The following ARHGAP24 variants were observed in gnomAD, a reference collection of about 807,000 sequenced individuals.
ARHGAP24 encodes the protein rho GTPase-activating protein 24.
A neutral mutation model predicts 76.4 loss-of-function variants in ARHGAP24; 50 were observed. The ratio of observed to expected loss-of-function variants is 0.65; its 90% confidence interval spans 0.52 to 0.83. ARHGAP24 has a LOEUF of 0.83. ARHGAP24 is among the 40% of genes least tolerant of loss of function. ARHGAP24 has a pLI of 0.00. For missense variants in ARHGAP24, 930 were observed against 914.2 expected, an observed-to-expected ratio of 1.02 and a Z score of -0.22; for synonymous variants, 345 against 323.3, an observed-to-expected ratio of 1.07 and a Z score of -0.72.
At chr4:85,763,284 T>A (rs935232147) in intron 3 of ARHGAP24, among the ~76,000 whole-genome samples, 2 of 152,194 alleles carry the variant, frequency 1.3e-5, no homozygotes, top group Non-Finnish European at 2.9e-5. Context: ...CAATCAGAAT[T>A]GTATCCCATT....
At chr4:85,718,827 A>C (rs1452866671) in intron 2 of ARHGAP24, among the ~76,000 whole-genome samples, 1 of 152,216 alleles carries the variant, frequency 6.6e-6, no homozygotes, top group African/African-American at 2.4e-5. Flanking sequence ...TCACATATAC[A>C]AAAAGGACAA....
chr4:85,747,749 A>G (rs1009341584), intron 3 of ARHGAP24, among the ~76,000 whole-genome samples: 1 of 152,112 alleles, frequency 6.6e-6, no homozygotes, highest in Non-Finnish European at 1.5e-5. Context: ...TGAAAATTGA[A>G]TATCTGCTCT....
chr4:85,785,550 T>C (rs374770662), intron 3 of ARHGAP24, among the ~76,000 whole-genome samples: 1 of 149,438 alleles, frequency 6.7e-6, no homozygotes, highest in South Asian at 2.1e-4. Flanking sequence ...ATTTTTTTTC[T>C]TTTTAACAAT....
chr4:85,954,722 G>A (rs1386892935), intron 5 of ARHGAP24, among the ~76,000 whole-genome samples: 1 of 152,292 alleles, frequency 6.6e-6, no homozygotes, highest in African/African-American at 2.4e-5. Context: ...TATTTAAAAT[G>A]TTTGGCCGGG....
chr4:85,564,508 T>A (rs905803595), intron 1 of ARHGAP24, among the ~76,000 whole-genome samples: 1 of 151,640 alleles, frequency 6.6e-6, no homozygotes, highest in Admixed American at 6.6e-5. Context: ...AACCTGCATG[T>A]TGTGCACATG....
intron 8 of ARHGAP24, among the ~76,000 whole-genome samples, chr4:85,978,416 C>A (rs553199958): frequency 1.3e-5 from 2 of 152,246 alleles, no homozygotes; most frequent in Non-Finnish European, 2.9e-5. Flanking sequence ...CCTTAAAATT[C>A]CAATATTTTC....
chr4:85,526,135 G>A (rs983438601), intron 1 of ARHGAP24, among the ~76,000 whole-genome samples: 2 of 152,058 alleles, frequency 1.3e-5, no homozygotes, highest in Admixed American at 1.3e-4. Context: ...TTTTGGCCGG[G>A]TATGGTGGCT....
rs56379272 is a variant in ARHGAP24 at position 85,827,461 on chromosome 4, C to CGTGTGTGTGTGTGTGTGT, written c.269-96148_269-96131dup. Among the ~76,000 whole-genome samples, 368 of 108,702 alleles carry CGTGTGTGTGTGTGTGTGT rather than the reference C, an allele frequency of 3.4e-3. 10 individuals carry two copies. The highest frequency in any genetic ancestry group is 4.3e-3 in the Non-Finnish European group (220 of 51,592). 71.3% of individuals were successfully genotyped at this position (108,702 alleles called of 152,430 possible). A position where few individuals can be genotyped will look rare whatever the true frequency, so the allele number is the denominator to read the frequency against. ...TAGAATAGCTACACTGAAGTCTGCC[C>CGTGTGTGTGTGTGTGTGT]GTGTGTGTGTGTGTGTGTGTGTGTG... is the stretch of plus-strand genomic sequence containing the variant. On this transcript the variant is annotated intron_variant, in intron 3 of 9. Coordinates refer to ENST00000395184, the MANE Select transcript of ARHGAP24 (RefSeq NM_001025616.3).
At chr4:85,961,531 GT>G (rs35549181) in intron 5 of ARHGAP24, among the ~76,000 whole-genome samples, 38,673 of 151,802 alleles carry the variant, frequency 0.25, 5,088 homozygotes, top group South Asian at 0.39. Context: ...GAATATATGT[GT>G]TTTTTCATTG....
In ARHGAP24 at chr4:85,814,105, G is replaced by T. The variant is rs1177932058; in HGVS notation, c.268+92133G>T. Among the ~76,000 whole-genome samples the T allele has an allele frequency of 2.0e-5, 3 of 152,014 alleles. No individual in the cohort carries two copies. In the East Asian group the frequency reaches 5.8e-4, roughly 30 times the overall value. ...TCACTACCATGAGAACAGCATGGGG[G>T]AAACCGCCCCCATGATCCAACCATC... On this transcript the variant is annotated intron_variant, in intron 3 of 9. Coordinates refer to ENST00000395184, the MANE Select transcript of ARHGAP24 (RefSeq NM_001025616.3).
At chr4:85,735,263 T>C (rs1262188263) in intron 3 of ARHGAP24, among the ~76,000 whole-genome samples, 3 of 152,024 alleles carry the variant, frequency 2.0e-5, no homozygotes, top group Admixed American at 6.6e-5. Flanking sequence ...TCTGAGTTTA[T>C]AAAAAAAATA....
chr4:85,774,270 G>C (rs1651709294), intron 3 of ARHGAP24, among the ~76,000 whole-genome samples: 1 of 152,168 alleles, frequency 6.6e-6, no homozygotes, highest in Admixed American at 6.6e-5. Flanking sequence ...AGACAGGAGA[G>C]GAAATCTAAT....
intron 2 of ARHGAP24, among the ~76,000 whole-genome samples, chr4:85,668,840 A>G (rs974091599): frequency 2.0e-5 from 3 of 152,150 alleles, no homozygotes; most frequent in Admixed American, 6.6e-5. Flanking sequence ...CTTTAGAGGG[A>G]TTTCTCTGGC....
chr4:85,941,991 T>C, intron 4 of ARHGAP24, 75 bp from the exon 5 acceptor site: 12 of 1,449,442 alleles, frequency 8.3e-6, no homozygotes, highest in Non-Finnish European at 1.0e-5. Flanking sequence ...TCTGTTATAT[T>C]GAATTAAAAC....
rs1427460875 is a variant in ARHGAP24 at position 85,929,968 on chromosome 4, A to G, written c.391+6198A>G. ...GTGCTACACAAGACAAGAGCTGGGA[A>G]GTCAACACAAAGTCAAAAGAAAAAG... On this transcript the variant is annotated intron_variant, in intron 4 of 9. Transcript: ENST00000395184. Among the ~76,000 whole-genome samples, 3 of 152,202 alleles carry G rather than the reference A, an allele frequency of 2.0e-5. No individual in the cohort carries two copies. In the East Asian group the frequency reaches 5.8e-4, roughly 29 times the overall value.
chr4:85,959,226 G>A (rs770963519), intron 5 of ARHGAP24, among the ~76,000 whole-genome samples: 1 of 152,198 alleles, frequency 6.6e-6, no homozygotes, highest in Non-Finnish European at 1.5e-5. Context: ...CATTGCCATG[G>A]CATCTGTAAA....
At chr4:85,690,714 T>C (rs867218463) in intron 2 of ARHGAP24, among the ~76,000 whole-genome samples, 18 of 128,552 alleles carry the variant, frequency 1.4e-4, no homozygotes, top group South Asian at 8.9e-4. Flanking sequence ...CCACTCCCCC[T>C]TTTTTTTTTT....
intron 1 of ARHGAP24, among the ~76,000 whole-genome samples, chr4:85,565,619 G>T (rs899994173): frequency 1.8e-4 from 28 of 152,122 alleles, no homozygotes; most frequent in South Asian, 4.2e-4. Context: ...TCACTGAGTG[G>T]ATGCATTGTG....
At chr4:85,612,563 A>C (rs1366721859) in intron 2 of ARHGAP24, among the ~76,000 whole-genome samples, 1 of 152,078 alleles carries the variant, frequency 6.6e-6, no homozygotes, top group African/African-American at 2.4e-5. Flanking sequence ...TACTAAAAGG[A>C]ATGCTTTTTA....
Sources: allele counts gnomAD v4.1 joint callset (sites outside exome capture counted in the v4.1 genomes callset), GRCh38; gene constraint gnomAD v4.1.1; transcripts MANE v1.5; gene names NCBI Gene and HGNC (gene_info 2026-07-23, HGNC 2026-07-21).